HECW2: variants seen among roughly 807,000 people sequenced by gnomAD.
HECW2 encodes HECT, C2 and WW domain containing E3 ubiquitin protein ligase 2.
A neutral mutation model predicts 175.2 loss-of-function variants in HECW2; 61 were observed. The ratio of observed to expected loss-of-function variants is 0.35; its 90% CI spans 0.28 to 0.43. The LOEUF is 0.43. Ranked by LOEUF, HECW2 falls within the 20% of genes least tolerant of loss-of-function variation. The probability of loss-of-function intolerance (pLI) is 1.00; values close to 1 mark genes in which losing one functional copy is unlikely to be tolerated. For synonymous variants in HECW2, 671 were observed against 731.0 expected (o/e 0.92, Z 1.32); for missense variants, 1,524 against 2,000.5 (o/e 0.76, Z 4.54).
chr2:196,273,253 G>A (rs10186628), intron 16 of HECW2, among the ~76,000 whole-genome samples: 1 of 152,004 alleles, frequency 6.6e-6, no homozygotes, highest in African/African-American at 2.4e-5. Flanking sequence ...ATTTTTAGTA[G>A]AGACGGGGTT....
rs183277953 is a variant in HECW2, at chr2:196,495,912, G to A, written c.-35-62454C>T. Among the ~76,000 whole-genome samples the A allele has an allele frequency of 3.6e-3, 550 of 152,238 alleles. 3 individuals carry two copies. Among genetic ancestry groups the A allele is most frequent in the Non-Finnish European group, 5.9e-3 (402 of 68,006 alleles). On this transcript the variant is annotated intron_variant, in intron 1 of 28. Coordinates refer to ENST00000644978, the MANE Select transcript of HECW2 (RefSeq NM_001348768.2). ...AGCAGTGGGCGGAAAGTATAAAATA[G>A]ACTGTAGAGGTTAAAAAAAGCAAAG...
At chr2:196,332,918 T>G (rs532623701) in intron 4 of HECW2, among the ~76,000 whole-genome samples, 1 of 152,276 alleles carries the variant, frequency 6.6e-6, no homozygotes, top group South Asian at 2.1e-4. Context: ...TAGGCTTCTC[T>G]TCTATGTTCT....
intron 1 of HECW2, among the ~76,000 whole-genome samples, chr2:196,526,673 T>TAAC (rs1688661854): frequency 6.9e-6 from 1 of 145,260 alleles, no homozygotes; most frequent in Non-Finnish European, 1.5e-5. Flanking sequence ...ATGTCCTTTC[T>TAAC]GTTTGTTAGT....
intron 1 of HECW2, among the ~76,000 whole-genome samples, chr2:196,484,651 T>C (rs780154964): frequency 1.3e-5 from 2 of 152,180 alleles, no homozygotes; most frequent in Non-Finnish European, 2.9e-5. Context: ...AAAATGGCTC[T>C]TGTTCATCTC....
At chr2:196,240,414 C>T in intron 21 of HECW2, 35 bp downstream of exon 21, 7 of 1,459,020 alleles carry the variant, frequency 4.8e-6, no homozygotes, top group African/African-American at 1.4e-5. Flanking sequence ...TGGCCACAGC[C>T]TATGTTCCAC....
intron 1 of HECW2, 39 bp from the exon 2 acceptor site, chr2:196,433,497 A>G: frequency 1.4e-6 from 2 of 1,450,710 alleles, no homozygotes; most frequent in East Asian, 4.7e-5. Context: ...TAGTGCTACA[A>G]TACGAAGAAT....
intron 2 of HECW2, among the ~76,000 whole-genome samples, chr2:196,355,738 A>T (rs1017292823): frequency 1.3e-5 from 2 of 152,240 alleles, no homozygotes; most frequent in African/African-American, 4.8e-5. Flanking sequence ...GGAGTAAAAG[A>T]GTCAAAGTCC....
chr2:196,268,632 G>A (rs973341031), intron 17 of HECW2, among the ~76,000 whole-genome samples: 1 of 152,146 alleles, frequency 6.6e-6, no homozygotes, highest in African/African-American at 2.4e-5. Flanking sequence ...TTAAAGATAT[G>A]TTAATTCGTA....
intron 1 of HECW2, among the ~76,000 whole-genome samples, chr2:196,584,382 A>G (rs1690900766): frequency 6.6e-6 from 1 of 151,910 alleles, no homozygotes; most frequent in Non-Finnish European, 1.5e-5. Flanking sequence ...CCTGATGACC[A>G]CCTGTTAAAA....
intron 1 of HECW2, among the ~76,000 whole-genome samples, chr2:196,583,943 C>A (rs1176350529): frequency 6.6e-6 from 1 of 152,166 alleles, no homozygotes; most frequent in Non-Finnish European, 1.5e-5. Context: ...TTAATTGCTA[C>A]AAACGAGTGA....
In HECW2 at chr2:196,583,325, G is replaced by C. The variant is rs147494307; in HGVS notation, c.-36+10183C>G. ...GCACTGAGGATCTCATCCACAGACT[G>C]ATGAAATCTTCATTTCCACACTTAC... On this transcript the variant is annotated intron_variant, in intron 1 of 28. Transcript: ENST00000644978. Among the ~76,000 whole-genome samples the C allele has an allele frequency of 2.9e-3, 443 of 152,304 alleles. 2 individuals are homozygous for C. The highest frequency in any genetic ancestry group is 9.9e-3 in the African/African-American group (410 of 41,558).
chr2:196,514,565 C>T (rs1485307479), intron 1 of HECW2, among the ~76,000 whole-genome samples: 1 of 152,160 alleles, frequency 6.6e-6, no homozygotes, highest in East Asian at 1.9e-4. Context: ...ACTTATGGTG[C>T]TTTTTCCCGG....
intron 10 of HECW2, among the ~76,000 whole-genome samples, chr2:196,310,831 T>C (rs1691470669): frequency 6.6e-6 from 1 of 151,050 alleles, no homozygotes; most frequent in African/African-American, 2.4e-5. Flanking sequence ...TTTCTGGCTG[T>C]GGCTTGACAC....
rs1034286594 is a variant in HECW2 at position 196,398,591 on chromosome 2, C to T, written c.292+34541G>A. On this transcript the variant is annotated intron_variant, in intron 2 of 28. Coordinates refer to ENST00000644978, the MANE Select transcript of HECW2 (RefSeq NM_001348768.2). Reference sequence around the variant, plus strand: ...AACTCATCAAGTTATCTATGCACCTCGAAGAAACCACCTCTGGCTTTCGGT... The same window carrying T: ...AACTCATCAAGTTATCTATGCACCTTGAAGAAACCACCTCTGGCTTTCGGT... Among the ~76,000 whole-genome samples the T allele has an allele frequency of 3.3e-5, 5 of 152,150 alleles. No homozygotes were observed. In the South Asian group the frequency reaches 6.2e-4, roughly 19 times the overall value.
intron 15 of HECW2, among the ~76,000 whole-genome samples, chr2:196,277,173 A>G (rs1559004399): frequency 6.6e-6 from 1 of 152,232 alleles, no homozygotes; most frequent in Non-Finnish European, 1.5e-5. Flanking sequence ...GAAGAACTGA[A>G]ACAAGGTTTG....
intron 2 of HECW2, among the ~76,000 whole-genome samples, chr2:196,358,874 C>A (rs997776377): frequency 6.6e-5 from 10 of 152,160 alleles, no homozygotes; most frequent in African/African-American, 2.2e-4. Flanking sequence ...AACTATGCCA[C>A]TAAGAGCATA....
intron 1 of HECW2, among the ~76,000 whole-genome samples, chr2:196,550,854 T>C (rs1032164144): frequency 3.9e-5 from 6 of 152,188 alleles, no homozygotes; most frequent in Admixed American, 1.3e-4. Context: ...AACATCCAAT[T>C]CTTATCTTCT....
At chr2:196,482,305 C>T (rs1363196386) in intron 1 of HECW2, among the ~76,000 whole-genome samples, 1 of 152,220 alleles carries the variant, frequency 6.6e-6, no homozygotes, top group Non-Finnish European at 1.5e-5. Context: ...ACGGTGCCAA[C>T]CCAGAGGTGG....
intron 4 of HECW2, among the ~76,000 whole-genome samples, chr2:196,331,729 A>G (rs997223385): frequency 6.6e-6 from 1 of 152,238 alleles, no homozygotes; most frequent in Non-Finnish European, 1.5e-5. Flanking sequence ...AGTGTCCTGA[A>G]CAACAACTCT....
Sources: gnomAD v4.1 joint callset for allele counts (sites outside exome capture counted in the v4.1 genomes callset) on GRCh38, gnomAD v4.1.1 for gene constraint, MANE v1.5 for transcripts, NCBI Gene and HGNC (gene_info 2026-07-23, HGNC 2026-07-21) for gene names.